The following UBXN7 variants were observed in gnomAD, a reference collection of about 807,000 sequenced individuals.
The protein encoded by UBXN7 is UBX domain protein 7.
UBXN7 carries 9 observed loss-of-function variants against 58.0 expected under a neutral mutation model. The observed-to-expected ratio is 0.16, with a 90% confidence interval of 0.09 to 0.27. The LOEUF (loss-of-function observed/expected upper bound fraction) is 0.27, where lower values mean the gene tolerates loss of function less well. UBXN7 is among the 10% of genes least tolerant of loss of function. The pLI is 1.00. For synonymous variants in UBXN7, 208 were observed against 205.0 expected (o/e 1.01, Z -0.12); for missense variants, 328 against 599.6 (o/e 0.55, Z 4.73).
chr3:196,359,897 C>T (rs1382878145), intron 10 of UBXN7, among the ~76,000 whole-genome samples: 2 of 150,942 alleles, frequency 1.3e-5, no homozygotes, highest in Non-Finnish European at 2.9e-5. Flanking sequence ...CAGAGCAAGA[C>T]TCTGTCTCAA....
intron 1 of UBXN7, among the ~76,000 whole-genome samples, chr3:196,424,956 C>T (rs1266520387): frequency 6.6e-6 from 1 of 152,104 alleles, no homozygotes; most frequent in African/African-American, 2.4e-5. Context: ...CTCGCCTCGG[C>T]CTCCCAAAGT....
rs1728213423 is a variant in UBXN7, at chr3:196,351,498, A to G, written c.*5187T>C. On this transcript the variant is annotated 3_prime_UTR_variant, in exon 11 of 11. Coordinates refer to ENST00000296328, the MANE Select transcript of UBXN7 (RefSeq NM_015562.2). ...TGAACACAGAATAAAAAAAAGAGAG[A>G]AAAAAAAAGTAAAGAAACTGATTAA... 6.6e-6 allele frequency: 1 copy of G among 151,750 alleles called. No homozygotes were observed. The highest frequency in any genetic ancestry group is 1.5e-5 in the Non-Finnish European group (1 of 67,916). 9.4% of individuals were successfully genotyped at this position (151,750 alleles called of 1,614,324 possible). A position where few individuals can be genotyped will look rare whatever the true frequency, so the allele number is the denominator to read the frequency against.
At chr3:196,388,767 T>C (rs1729490832) in intron 5 of UBXN7, among the ~76,000 whole-genome samples, 2 of 152,334 alleles carry the variant, frequency 1.3e-5, no homozygotes, top group African/African-American at 2.4e-5. Context: ...TTTTAACATT[T>C]ATCTTTCTAA....
chr3:196,356,887 A>T (rs1287688124), intron 10 of UBXN7, 41 bp from the exon 11 acceptor site: 1 of 1,583,254 alleles, frequency 6.3e-7, no homozygotes, highest in Admixed American at 2.0e-5. Context: ...AGACGGAAAA[A>T]GAGGAAAGAG....
chr3:196,360,583 T>G (rs1404370623), intron 10 of UBXN7, among the ~76,000 whole-genome samples: 1 of 152,166 alleles, frequency 6.6e-6, no homozygotes, highest in East Asian at 1.9e-4. Flanking sequence ...AGAAAAAAGA[T>G]TCAACATATT....
At position 196,394,739 on chromosome 3, in the gene UBXN7, T is replaced by C. The variant is rs141514495; in HGVS notation, c.290-1120A>G. Among the ~76,000 whole-genome samples, 32 of 152,348 alleles carry C rather than the reference T, an allele frequency of 2.1e-4. No individual in the cohort carries two copies. In the East Asian group the frequency reaches 5.2e-3, roughly 25 times the overall value. Reference sequence around the variant, plus strand: ...TCCAATTCAGGTTAGCCCTGTTGTATAGAGTAACTCTACATTCTAAACCAT... The same window carrying C: ...TCCAATTCAGGTTAGCCCTGTTGTACAGAGTAACTCTACATTCTAAACCAT... On this transcript the variant is annotated intron_variant, in intron 3 of 10. Transcript: ENST00000296328.
In UBXN7 at chr3:196,403,142, G is replaced by C. The variant is rs916596319; in HGVS notation, c.222-123C>G. 7.9e-6 allele frequency: 8 copies of C among 1,011,234 alleles called. No homozygotes were observed. The South Asian group carries it at 1.2e-4, about 15-fold the overall frequency. The allele number at this position is 1,011,234 out of a possible 1,614,324, so 62.6% of individuals were successfully genotyped here. ...ACTTTTAGAAGCACAGTAATAATAAGTTTTTGTGTTGCTATTTTTTTGGGG... is the reference window on the plus strand; with the variant it reads ...ACTTTTAGAAGCACAGTAATAATAACTTTTTGTGTTGCTATTTTTTTGGGG... On this transcript the variant is annotated intron_variant, in intron 2 of 10. Transcript: ENST00000296328.
In UBXN7 at chr3:196,372,033, A is replaced by G; in HGVS notation, c.478T>C (p.Cys160Arg). 6.2e-7 allele frequency: 1 copy of G among 1,606,862 alleles called. No homozygotes were observed. ...AGCCACTTATTTTGCATCTGGCCAC[A>G]CTCTTTGGCCTGCAAGAGTAAAGTT... ...HKGSFETAKE[C>R]GQMQNKWLMI... The change falls in exon 6 of 11, where the codon TGT becomes CGT. Residue 160 changes from cysteine (C) to arginine (R), a missense_variant. This residue lies in a region of UBXN7 where 126 missense variants were observed against 302.6 expected (regional missense o/e 0.42). Transcript: ENST00000296328.
chr3:196,402,804 T>C, intron 3 of UBXN7, 148 bp downstream of exon 3: 1 of 876,456 alleles, frequency 1.1e-6, no homozygotes, highest in South Asian at 1.7e-5. Flanking sequence ...GAGTCAACTG[T>C]GCAACTTTCT....
intron 5 of UBXN7, among the ~76,000 whole-genome samples, chr3:196,390,521 C>A (rs1031961657): frequency 6.6e-6 from 1 of 152,054 alleles, no homozygotes; most frequent in South Asian, 2.1e-4. Flanking sequence ...GTGGGCAGAT[C>A]ATGAGGTCAG....
chr3:196,375,797 T>C (rs1729000445), intron 5 of UBXN7, among the ~76,000 whole-genome samples: 1 of 151,874 alleles, frequency 6.6e-6, no homozygotes, highest in African/African-American at 2.4e-5. Context: ...GGGAGGCCGA[T>C]GTGGGCTGAT....
chr3:196,405,063 T>C (rs147679950), intron 2 of UBXN7, among the ~76,000 whole-genome samples: 1,784 of 152,212 alleles, frequency 0.012, 16 homozygotes, highest in Non-Finnish European at 0.018. Flanking sequence ...CCGAGGTTGC[T>C]TGAACCCGAG....
intron 5 of UBXN7, among the ~76,000 whole-genome samples, chr3:196,375,528 G>A (rs529601717): frequency 6.6e-6 from 1 of 152,268 alleles, no homozygotes; most frequent in South Asian, 2.1e-4. Context: ...TACCAATTAT[G>A]TGAATCAAGG....
Position 196,352,655 on chromosome 3 carries a change from A to G in UBXN7, c.*4030T>C, listed in dbSNP as rs1728243043. 6.6e-6 allele frequency: 1 copy of G among 152,202 alleles called. No individual in the cohort carries two copies. Among genetic ancestry groups the G allele is most frequent in the African/African-American group, 2.4e-5 (1 of 41,454 alleles). 9.4% of individuals were successfully genotyped at this position (152,202 alleles called of 1,614,324 possible). On this transcript the variant is annotated 3_prime_UTR_variant, in exon 11 of 11. Coordinates refer to ENST00000296328, the MANE Select transcript of UBXN7 (RefSeq NM_015562.2). The surrounding 1 kb of genome is among the most constrained non-coding windows in gnomAD (Gnocchi z 4.1). ...AGAATTATATACAAGATTTAAAAAC[A>G]TACACACAGAGGGTTCAATAATCTG... is the stretch of plus-strand genomic sequence containing the variant.
At chr3:196,400,997 A>G (rs1729944678) in intron 3 of UBXN7, among the ~76,000 whole-genome samples, 1 of 151,938 alleles carries the variant, frequency 6.6e-6, no homozygotes, top group Non-Finnish European at 1.5e-5. Context: ...CAGTCCAGAA[A>G]GCACTTCATT....
intron 1 of UBXN7, among the ~76,000 whole-genome samples, chr3:196,419,510 TAAAC>T (rs1043592351): frequency 1.7e-4 from 26 of 152,310 alleles, no homozygotes; most frequent in African/African-American, 4.6e-4. Flanking sequence ...TCCACTTTCT[TAAAC>T]AAAGCCAAGC....
chr3:196,397,674 A>C (rs1349806375), intron 3 of UBXN7: 1 of 152,224 alleles, frequency 6.6e-6, no homozygotes, highest in Non-Finnish European at 1.5e-5. Flanking sequence ...GCAGACACCC[A>C]ATCAGCATAG....
chr3:196,385,192 C>T lies in UBXN7; in HGVS notation c.468+6621G>A, dbSNP rs112209756. Among the ~76,000 whole-genome samples the T allele has an allele frequency of 1.7e-3, 264 of 152,318 alleles. 2 individuals are homozygous for T. Among genetic ancestry groups the T allele is most frequent in the South Asian group, 0.013 (61 of 4,824 alleles). On this transcript the variant is annotated intron_variant, in intron 5 of 10. Transcript: ENST00000296328. The stretch of plus-strand genomic sequence containing the variant: ...TGGTTTTCGTATTTTTTGGTGGAGA[C>T]GGGGTTTCGCCGTGTTGGCCGGGCT...
chr3:196,375,851 A>T (rs938167777), intron 5 of UBXN7, among the ~76,000 whole-genome samples: 2 of 152,164 alleles, frequency 1.3e-5, no homozygotes, highest in Non-Finnish European at 2.9e-5. Context: ...CAACATGGCG[A>T]AACCCCATCT....
Sources: allele counts gnomAD v4.1 joint callset (sites outside exome capture counted in the v4.1 genomes callset), GRCh38; gene constraint gnomAD v4.1.1; regional missense constraint gnomAD v4.1.1; non-coding constraint Gnocchi (gnomAD v3.1); transcripts MANE v1.5; gene names NCBI Gene and HGNC (gene_info 2026-07-23, HGNC 2026-07-21).